Variants in EBF1 observed in about 807,000 individuals in gnomAD.
EBF1 encodes transcription factor COE1.
In EBF1, 10 loss-of-function variants were observed where a neutral mutation model predicts 68.4. The observed-to-expected ratio is 0.15, with a 90% CI of 0.09 to 0.25. EBF1 has a LOEUF of 0.25. EBF1 is among the 10% of genes least tolerant of loss of function. The pLI, the probability that EBF1 is intolerant of heterozygous loss-of-function variation, is 1.00. For synonymous variants in EBF1, 298 were observed against 299.8 expected, an observed-to-expected ratio of 0.99 and a Z score of 0.06; for missense variants, 509 against 794.4, an observed-to-expected ratio of 0.64 and a Z score of 4.32.
intron 6 of EBF1, among the ~76,000 whole-genome samples, chr5:159,038,532 T>G (rs1437062299): frequency 6.6e-6 from 1 of 152,100 alleles, no homozygotes; most frequent in East Asian, 1.9e-4. Flanking sequence ...GTGAAAGAAA[T>G]TAGCAAAGAG....
intron 10 of EBF1, among the ~76,000 whole-genome samples, chr5:158,738,936 A>G (rs1391455234): frequency 6.6e-6 from 1 of 152,214 alleles, no homozygotes; most frequent in East Asian, 1.9e-4. Flanking sequence ...TTACACATGA[A>G]CAAGCCGTTT....
At chr5:158,873,098 A>G (rs921662044) in intron 6 of EBF1, among the ~76,000 whole-genome samples, 4 of 146,686 alleles carry the variant, frequency 2.7e-5, no homozygotes, top group African/African-American at 7.6e-5. Context: ...AATGATAGTC[A>G]ATTTCTCCCT....
At chr5:158,882,760 T>C (rs1224731367) in intron 6 of EBF1, among the ~76,000 whole-genome samples, 1 of 152,214 alleles carries the variant, frequency 6.6e-6, no homozygotes, top group Non-Finnish European at 1.5e-5. Context: ...ATAGGAGGTT[T>C]CGATAGCACA....
intron 6 of EBF1, among the ~76,000 whole-genome samples, chr5:158,912,659 C>A (rs1806262819): frequency 1.3e-5 from 2 of 152,168 alleles, no homozygotes; most frequent in South Asian, 4.1e-4. Context: ...ATCTTCACAA[C>A]AACTCCATGA....
intron 6 of EBF1, among the ~76,000 whole-genome samples, chr5:159,067,776 A>G (rs1777101451): frequency 6.6e-6 from 1 of 152,190 alleles, no homozygotes; most frequent in Non-Finnish European, 1.5e-5. Flanking sequence ...CTGAGAAGAC[A>G]AATGTTTAAA....
chr5:159,073,353 A>T (rs765810750), intron 6 of EBF1, 43 bp downstream of exon 6: 32 of 1,600,090 alleles, frequency 2.0e-5, no homozygotes, highest in Non-Finnish European at 2.7e-5. Flanking sequence ...GTGTTTCATT[A>T]TAATGAGGAA....
At chr5:158,985,102 G>C (rs373800041) in intron 6 of EBF1, among the ~76,000 whole-genome samples, 1 of 152,182 alleles carries the variant, frequency 6.6e-6, no homozygotes, top group Non-Finnish European at 1.5e-5. Context: ...CAAGTTTAAA[G>C]AGTAAATTGA....
chr5:159,035,215 A>G (rs1166503554), intron 6 of EBF1, among the ~76,000 whole-genome samples: 2 of 152,314 alleles, frequency 1.3e-5, no homozygotes, highest in Middle Eastern at 3.4e-3. Context: ...AAGGCTCATC[A>G]GCCATCAGTG....
intron 10 of EBF1, among the ~76,000 whole-genome samples, chr5:158,740,033 C>T (rs956180671): frequency 1.3e-5 from 2 of 152,166 alleles, no homozygotes; most frequent in Non-Finnish European, 2.9e-5. Context: ...TTTTATCTGA[C>T]GAGCTGATCC....
chr5:159,077,095 A>T (rs1778909643), intron 5 of EBF1, among the ~76,000 whole-genome samples: 1 of 152,116 alleles, frequency 6.6e-6, no homozygotes, highest in African/African-American at 2.4e-5. Flanking sequence ...AGTATGGTTC[A>T]CTCCCTCACT....
At chr5:158,860,883 G>A (rs957542381) in intron 6 of EBF1, among the ~76,000 whole-genome samples, 2 of 152,084 alleles carry the variant, frequency 1.3e-5, no homozygotes, top group African/African-American at 2.4e-5. Flanking sequence ...GTGAGCGTGG[G>A]CCTCTAACCA....
chr5:159,086,476 T>A (rs1780655619), intron 4 of EBF1, among the ~76,000 whole-genome samples: 1 of 152,164 alleles, frequency 6.6e-6, no homozygotes, highest in African/African-American at 2.4e-5. Flanking sequence ...CATTTCTGAG[T>A]CTTTATATTT....
chr5:158,836,472 T>G (rs6876405), intron 7 of EBF1, among the ~76,000 whole-genome samples: 116,891 of 152,070 alleles, frequency 0.77, 45,316 homozygotes, highest in South Asian at 0.88. Flanking sequence ...GGGTGTAATG[T>G]CTGCCAGCAT....
In EBF1 at chr5:158,919,198, G is replaced by A. The variant is rs563257297; in HGVS notation, c.555-79088C>T. ...GCAAGAAACAAACCTGCTTTCATCA[G>A]CTGCTGGCATTTATGAGGGTCTTAG... On this transcript the variant is annotated intron_variant, in intron 6 of 15. Coordinates refer to ENST00000313708, the MANE Select transcript of EBF1 (RefSeq NM_024007.5). Among the ~76,000 whole-genome samples the A allele has an allele frequency of 2.0e-5, 3 of 152,202 alleles. No homozygotes were observed. In the South Asian group the frequency reaches 6.2e-4, roughly 32 times the overall value.
At chr5:158,778,545 A>G (rs749261793) in intron 9 of EBF1, among the ~76,000 whole-genome samples, 1 of 152,110 alleles carries the variant, frequency 6.6e-6, no homozygotes, top group Non-Finnish European at 1.5e-5. Context: ...TCTCATGGGG[A>G]TAACTTAGAA....
At chr5:158,814,893 T>G (rs1282757082) in intron 8 of EBF1, among the ~76,000 whole-genome samples, 1 of 152,204 alleles carries the variant, frequency 6.6e-6, no homozygotes, top group Non-Finnish European at 1.5e-5. Context: ...GGGAAAAATT[T>G]CCTTCAGGTT....
chr5:158,762,475 C>A lies in EBF1; in HGVS notation c.1036+14938G>T, dbSNP rs547506092. Reference sequence around the variant, plus strand: ...AAAATCTTTTCTTTGAATCCTAACACAAGCCCCAAATAAGGTTTAGAACAG... The same window carrying A: ...AAAATCTTTTCTTTGAATCCTAACAAAAGCCCCAAATAAGGTTTAGAACAG... On this transcript the variant is annotated intron_variant, in intron 10 of 15. Transcript: ENST00000313708. Among the ~76,000 whole-genome samples the A allele has an allele frequency of 2.6e-5, 4 of 152,316 alleles. No individual in the cohort carries two copies. In the South Asian group the frequency reaches 8.3e-4, roughly 32 times the overall value.
At chr5:158,741,750 A>G (rs1480148698) in intron 10 of EBF1, among the ~76,000 whole-genome samples, 1 of 152,220 alleles carries the variant, frequency 6.6e-6, no homozygotes, top group Non-Finnish European at 1.5e-5. Flanking sequence ...TTTAGAAAAC[A>G]TGGATTCACT....
intron 7 of EBF1, among the ~76,000 whole-genome samples, chr5:158,824,439 T>C (rs1351635802): frequency 2.0e-5 from 3 of 152,202 alleles, no homozygotes; most frequent in Non-Finnish European, 4.4e-5. Flanking sequence ...TGAAAGACAA[T>C]GGCAAGAGGG....
Sources: allele counts gnomAD v4.1 joint callset (sites outside exome capture counted in the v4.1 genomes callset), GRCh38; gene constraint gnomAD v4.1.1; transcripts MANE v1.5; gene names NCBI Gene and HGNC (gene_info 2026-07-23, HGNC 2026-07-21).